Variants in DCAF17 observed in about 807,000 individuals in gnomAD.
DCAF17 encodes the protein DDB1- and CUL4-associated factor 17.
DCAF17 carries 48 observed loss-of-function variants against 66.0 expected under a neutral mutation model. The ratio of observed to expected loss-of-function variants is 0.73; its 90% CI spans 0.58 to 0.92. The LOEUF is 0.92. DCAF17 is among the 40% of genes least tolerant of loss of function. The pLI is 0.00. For synonymous variants in DCAF17, 206 were observed against 214.6 expected (o/e 0.96, Z 0.35); for missense variants, 562 against 622.8 (o/e 0.90, Z 1.04).
intron 3 of DCAF17, among the ~76,000 whole-genome samples, chr2:171,447,717 A>G (rs1017915209): frequency 6.6e-6 from 1 of 152,128 alleles, no homozygotes; most frequent in Non-Finnish European, 1.5e-5. Context: ...GCCTAGGCTG[A>G]TATCGAACTC....
chr2:171,453,137 A>T lies in DCAF17; in HGVS notation c.551A>T (p.Gln184Leu). 6.2e-7 allele frequency: 1 copy of T among 1,608,614 alleles called. No homozygotes were observed. The highest frequency in any genetic ancestry group is 1.3e-5 in the African/African-American group (1 of 74,922). Residue 184 changes from glutamine (Q) to leucine (L), a missense_variant, in exon 6 of 14, where the codon CAA (glutamine) becomes CTA (leucine). Gln to Leu is a moderately radical substitution (Grantham distance 113, BLOSUM62 -2). Coordinates refer to ENST00000375255, the MANE Select transcript of DCAF17 (RefSeq NM_025000.4). ...CTTTCCTTCTAGGCAGGCATTCAAC[A>T]ACATGTTTTGCTGTACCTTGCAGTG... Reference protein sequence around the residue: ...SAVARQAGIQQHVLLYLAVFR... With the variant: ...SAVARQAGIQLHVLLYLAVFR...
intron 8 of DCAF17, among the ~76,000 whole-genome samples, chr2:171,461,951 A>G (rs934241393): frequency 1.1e-4 from 16 of 152,292 alleles, no homozygotes; most frequent in African/African-American, 3.6e-4. Context: ...TCAGGATATT[A>G]TATTTGAGAT....
At chr2:171,472,675 A>G (rs953726452) in intron 9 of DCAF17, among the ~76,000 whole-genome samples, 2 of 152,056 alleles carry the variant, frequency 1.3e-5, no homozygotes, top group Non-Finnish European at 2.9e-5. Context: ...TTTTTTGTTT[A>G]TGTTTCTGCC....
intron 8 of DCAF17, among the ~76,000 whole-genome samples, chr2:171,460,933 TA>T (rs772064673): frequency 5.3e-5 from 8 of 151,378 alleles, no homozygotes; most frequent in South Asian, 4.2e-4. Context: ...TTTGTCATTG[TA>T]AAAAAAAATA....
rs779164442 is a variant in DCAF17 at position 171,481,251 on chromosome 2, ACTT to A, written c.*141_*143del. On this transcript the variant is annotated 3_prime_UTR_variant, in exon 14 of 14. Transcript: ENST00000375255. ...CTTGTGTTGACTTCAGATGACTATG[ACTT>A]CTTTTTTAAACTCTTGCTGTAAAAG... 1 of 1,071,148 alleles carries A rather than the reference ACTT, an allele frequency of 9.3e-7. No individual in the cohort carries two copies. The allele number at this position is 1,071,148 out of a possible 1,614,324, so 66.4% of individuals were successfully genotyped here.
intron 3 of DCAF17, among the ~76,000 whole-genome samples, chr2:171,445,227 C>T (rs898788546): frequency 6.6e-6 from 1 of 151,972 alleles, no homozygotes; most frequent in African/African-American, 2.4e-5. Context: ...CAGGCTCAAG[C>T]AATTCTCCTG....
At chr2:171,462,902 T>C (rs1315901771) in intron 8 of DCAF17, among the ~76,000 whole-genome samples, 5 of 152,174 alleles carry the variant, frequency 3.3e-5, no homozygotes. Context: ...ACCATATAGC[T>C]GTATCACAAA....
At chr2:171,456,828 T>A (rs969688042) in intron 6 of DCAF17, among the ~76,000 whole-genome samples, 2 of 152,258 alleles carry the variant, frequency 1.3e-5, no homozygotes, top group Non-Finnish European at 2.9e-5. Flanking sequence ...GCATATTGAT[T>A]TTGTATCCTG....
In DCAF17 at chr2:171,485,021, T is replaced by C. The variant is rs1268439381; in HGVS notation, c.*3907T>C. On this transcript the variant is annotated 3_prime_UTR_variant, in exon 14 of 14. Coordinates refer to ENST00000375255, the MANE Select transcript of DCAF17 (RefSeq NM_025000.4). ...TCTTTCTGCTTGTTTTTTACTGTTA[T>C]GAATAAAGCTGCTATGAACATTCTT... 1 of 453,634 alleles carries C rather than the reference T, an allele frequency of 2.2e-6. No individual in the cohort carries two copies. Among genetic ancestry groups the C allele is most frequent in the African/African-American group, 2.0e-5 (1 of 49,952 alleles). The allele number at this position is 453,634 out of a possible 1,614,324, so 28.1% of individuals were successfully genotyped here. A position where few individuals can be genotyped will look rare whatever the true frequency, so the allele number is the denominator to read the frequency against.
intron 3 of DCAF17, among the ~76,000 whole-genome samples, chr2:171,446,033 T>C (rs897587588): frequency 6.6e-6 from 1 of 152,150 alleles, no homozygotes; most frequent in Admixed American, 6.5e-5. Flanking sequence ...CGTTGTAGAA[T>C]AAATGCATTT....
chr2:171,460,444 G>T (rs1215063280), intron 8 of DCAF17, among the ~76,000 whole-genome samples: 1 of 151,654 alleles, frequency 6.6e-6, no homozygotes, highest in African/African-American at 2.4e-5. Flanking sequence ...ACTGGATTTG[G>T]GATCAGAATT....
intron 8 of DCAF17, among the ~76,000 whole-genome samples, chr2:171,467,091 T>G (rs964580653): frequency 1.3e-5 from 2 of 152,188 alleles, no homozygotes; most frequent in African/African-American, 2.4e-5. Context: ...CTCTTCTTTT[T>G]CCTCAAGATT....
In DCAF17 at chr2:171,470,292, G is replaced by C. The variant is rs532209602; in HGVS notation, c.981+1262G>C. ...CCCTCTTGATATATCAGAAGAATTT[G>C]CTTTTTTTTTTGAGGCAGGTTCAGC... On this transcript the variant is annotated intron_variant, in intron 9 of 13. Coordinates refer to ENST00000375255, the MANE Select transcript of DCAF17 (RefSeq NM_025000.4). Among the ~76,000 whole-genome samples, 224 of 152,090 alleles carry C rather than the reference G, an allele frequency of 1.5e-3. 1 individual carries two copies. Among genetic ancestry groups the C allele is most frequent in the South Asian group, 0.011 (54 of 4,820 alleles).
At chr2:171,469,503 A>G (rs992010843) in intron 9 of DCAF17, among the ~76,000 whole-genome samples, 1 of 152,244 alleles carries the variant, frequency 6.6e-6, no homozygotes, top group African/African-American at 2.4e-5. Flanking sequence ...TAAGTTATTT[A>G]TGGCAGAGTA....
In DCAF17 at chr2:171,483,174, C is replaced by G; in HGVS notation, c.*2060C>G. 2 of 454,112 alleles carry G rather than the reference C, an allele frequency of 4.4e-6. No individual in the cohort carries two copies. The highest frequency in any genetic ancestry group is 3.1e-5 in the South Asian group (2 of 64,480). 28.1% of individuals were successfully genotyped at this position (454,112 alleles called of 1,614,324 possible). ...AGAGACAATGAAGCATGCTTCCCAGCTCGCCAGAGTGTCACACAGCTGCTC... is the reference window on the plus strand; with the variant it reads ...AGAGACAATGAAGCATGCTTCCCAGGTCGCCAGAGTGTCACACAGCTGCTC... On this transcript the variant is annotated 3_prime_UTR_variant, in exon 14 of 14. Transcript: ENST00000375255.
Position 171,483,423 on chromosome 2 carries a change from T to C in DCAF17, c.*2309T>C, listed in dbSNP as rs569741110. On this transcript the variant is annotated 3_prime_UTR_variant, in exon 14 of 14. Transcript: ENST00000375255. Reference sequence around the variant, plus strand: ...GACGTTACGCTGAAAAGAGGTGCATTCTGCATTGCACTCCTGGATCTAAGT... The same window carrying C: ...GACGTTACGCTGAAAAGAGGTGCATCCTGCATTGCACTCCTGGATCTAAGT... The C allele has an allele frequency of 2.2e-6, 1 of 454,126 alleles. No homozygotes were observed. Among genetic ancestry groups the C allele is most frequent in the East Asian group, 6.9e-5 (1 of 14,392 alleles). 28.1% of individuals were successfully genotyped at this position (454,126 alleles called of 1,614,324 possible).
chr2:171,453,001 T>G, intron 5 of DCAF17, 123 bp from the exon 6 acceptor site: 1 of 603,088 alleles, frequency 1.7e-6, no homozygotes, highest in African/African-American at 1.9e-5. Context: ...GATGGTTGTT[T>G]TCATAATATG....
rs926824726 is a variant in DCAF17 at position 171,483,177 on chromosome 2, G to T, written c.*2063G>T. On this transcript the variant is annotated 3_prime_UTR_variant, in exon 14 of 14. Transcript: ENST00000375255. The stretch of plus-strand genomic sequence containing the variant: ...GACAATGAAGCATGCTTCCCAGCTC[G>T]CCAGAGTGTCACACAGCTGCTCATT... 2.0e-5 allele frequency: 9 copies of T among 453,928 alleles called. No individual in the cohort carries two copies. Among genetic ancestry groups the T allele is most frequent in the African/African-American group, 8.0e-5 (4 of 49,986 alleles). The allele number at this position is 453,928 out of a possible 1,614,324, so 28.1% of individuals were successfully genotyped here.
chr2:171,434,610 C>T lies in DCAF17; in HGVS notation c.33C>T (p.Ser11=), dbSNP rs1415910355. 2.6e-6 allele frequency: 4 copies of T among 1,528,782 alleles called. No homozygotes were observed. The highest frequency in any genetic ancestry group is 3.9e-5 in the Admixed American group (2 of 50,916). The allele number at this position is 1,528,782 out of a possible 1,614,324, so 94.7% of individuals were successfully genotyped here. A position where few individuals can be genotyped will look rare whatever the true frequency, so the allele number is the denominator to read the frequency against. The change falls in exon 1 of 14, where the codon AGC becomes AGT. Residue 11 remains serine (S), a synonymous_variant. Transcript: ENST00000375255. Reference sequence around the variant, plus strand: ...CGACCCGGAAGCCCAACGTGTGCAGCCGGCTGAGTCGCCGGGCGCTGGGCT... The same window carrying T: ...CGACCCGGAAGCCCAACGTGTGCAGTCGGCTGAGTCGCCGGGCGCTGGGCT... MGPTRKPNVC[S]RLSRRALGCF...
Sources: allele counts gnomAD v4.1 joint callset (sites outside exome capture counted in the v4.1 genomes callset), GRCh38; gene constraint gnomAD v4.1.1; transcripts MANE v1.5; gene names NCBI Gene and HGNC (gene_info 2026-07-23, HGNC 2026-07-21).